Variants in FBXL8 observed in about 807,000 individuals in gnomAD.
FBXL8 encodes the protein F-box and leucine rich repeat protein 8, also known as F-box/LRR-repeat protein 8.
Under a neutral mutation model 8.2 loss-of-function variants are expected in FBXL8, and 13 were observed. That is an observed-to-expected ratio of 1.58 (90% CI 1.03 to 2.51). FBXL8 has a LOEUF of 2.51. Ranked by LOEUF, FBXL8 falls within the 30% of genes most tolerant of loss-of-function variation. The pLI is 0.00. For synonymous variants in FBXL8, 271 were observed against 260.5 expected (o/e 1.04, Z -0.39); for missense variants, 565 against 540.4 (o/e 1.05, Z -0.45).
rs1424064340 is a variant in FBXL8, at chr16:67,161,858, C to G, written c.73C>G (p.Arg25Gly). 2 of 1,610,398 alleles carry G rather than the reference C, an allele frequency of 1.2e-6. No homozygotes were observed. The highest frequency in any genetic ancestry group is 1.7e-5 in the Admixed American group (1 of 59,688). ...LIFRHLSLRD[R>G]AAAARVCRAW... The stretch of plus-strand genomic sequence containing the variant: ...CTTCCGCCACCTGTCCCTGAGAGAC[C>G]GTGCTGCCGCCGCCAGGGTCTGCAG... The change falls in exon 2 of 3, where the codon CGT becomes GGT. Residue 25 changes from arginine to glycine, a missense_variant. Transcript: ENST00000258200.
chr16:67,164,161 C>T lies in FBXL8; in HGVS notation c.*341C>T. The T allele has an allele frequency of 1.7e-6, 1 of 591,188 alleles. No homozygotes were observed. Among genetic ancestry groups the T allele is most frequent in the South Asian group, 1.6e-5 (1 of 64,058 alleles). 36.6% of individuals were successfully genotyped at this position (591,188 alleles called of 1,614,324 possible). A position where few individuals can be genotyped will look rare whatever the true frequency, so the allele number is the denominator to read the frequency against. On this transcript the variant is annotated 3_prime_UTR_variant, in exon 3 of 3. Transcript: ENST00000258200. ...GCCTCAAGGGTGAGTGTGAAATAAA[C>T]AAATCCTGCAGTGTTTCTGCGTCCT...
Position 67,163,836 on chromosome 16 carries a change from C to A in FBXL8, c.*16C>A. The A allele has an allele frequency of 1.3e-6, 2 of 1,532,040 alleles. No homozygotes were observed. Among genetic ancestry groups the A allele is most frequent in the Non-Finnish European group, 1.7e-6 (2 of 1,147,384 alleles). The allele number at this position is 1,532,040 out of a possible 1,614,324, so 94.9% of individuals were successfully genotyped here. On this transcript the variant is annotated 3_prime_UTR_variant, in exon 3 of 3. Transcript: ENST00000258200. Reference sequence around the variant, plus strand: ...CGTGGCGTGATTGGGCGACTTCTCTCCCCCGTCCCCGTGGACGTAAGCGCT... The same window carrying A: ...CGTGGCGTGATTGGGCGACTTCTCTACCCCGTCCCCGTGGACGTAAGCGCT...
In FBXL8 at chr16:67,162,952, G is replaced by T. The variant is rs779380843; in HGVS notation, c.257G>T (p.Arg86Leu). Residue 86 changes from arginine to leucine, a missense_variant, in exon 3 of 3, where the codon CGC becomes CTC. Physicochemically the swap from Arg to Leu is moderately radical, Grantham distance 102. Coordinates refer to ENST00000258200, the MANE Select transcript of FBXL8 (RefSeq NM_018378.3). The stretch of plus-strand genomic sequence containing the variant: ...TTTGAGCCATCGAGGAAGCCGAGCC[G>T]CCGGGCGGCCATCGAGCTGCTGATG... ...LEFEPSRKPS[R>L]RAAIELLMVL... 1 of 1,559,546 alleles carries T rather than the reference G, an allele frequency of 6.4e-7. No individual in the cohort carries two copies. The highest frequency in any genetic ancestry group is 8.7e-7 in the Non-Finnish European group (1 of 1,151,664).
At chr16:67,162,634 A>G (rs1567665658) in intron 2 of FBXL8, 1 of 734,048 alleles carries the variant, frequency 1.4e-6, no homozygotes, top group Non-Finnish European at 2.4e-6. Context: ...CTCCATGTCC[A>G]GGTTTCATCC....
Position 67,163,621 on chromosome 16 carries a change from G to A in FBXL8, c.926G>A (p.Arg309His), listed in dbSNP as rs1227144070. Residue 309 changes from arginine (R) to histidine (H), a missense_variant, in exon 3 of 3, where the codon CGC becomes CAC. By Grantham distance (29) the Arg-to-His change is conservative (BLOSUM62 0). Transcript: ENST00000258200. ...YAATLCALEVRAAASAELNAA... is the reference protein window; with the variant it reads ...YAATLCALEVHAAASAELNAA... ...GCAACCCTGTGCGCGCTCGAGGTGC[G>A]CGCAGCCGCTTCGGCCGAGCTGAAC... 4 of 1,565,734 alleles carry A rather than the reference G, an allele frequency of 2.6e-6. No homozygotes were observed. The highest frequency in any genetic ancestry group is 3.4e-6 in the Non-Finnish European group (4 of 1,165,934).
intron 1 of FBXL8, chr16:67,160,397 CAA>C (rs2030859387): frequency 6.6e-6 from 1 of 152,248 alleles, no homozygotes; most frequent in South Asian, 2.1e-4. Flanking sequence ...CTTGTGTACA[CAA>C]ACCTTTAAGA....
chr16:67,161,614 A>T (rs146687779), intron 1 of FBXL8, 121 bp from the exon 2 acceptor site: 6 of 690,224 alleles, frequency 8.7e-6, no homozygotes, highest in Middle Eastern at 4.1e-4. Flanking sequence ...GGGTTATCTG[A>T]TGCCCCACGC....
intron 2 of FBXL8, 111 bp downstream of exon 2, chr16:67,162,048 G>A: frequency 7.3e-7 from 1 of 1,365,936 alleles, no homozygotes; most frequent in Non-Finnish European, 9.6e-7. Flanking sequence ...AATAATTGCT[G>A]GCCGGGCGTG....
At position 67,163,594 on chromosome 16, in the gene FBXL8, C is replaced by G; in HGVS notation, c.899C>G (p.Ala300Gly). ...GPVRFAAHHYAATLCALEVRA... is the reference protein window; with the variant it reads ...GPVRFAAHHYGATLCALEVRA... Reference sequence around the variant, plus strand: ...GTGCGCTTCGCAGCACACCACTACGCCGCAACCCTGTGCGCGCTCGAGGTG... The same window carrying G: ...GTGCGCTTCGCAGCACACCACTACGGCGCAACCCTGTGCGCGCTCGAGGTG... The change falls in exon 3 of 3, where the codon GCC becomes GGC. Residue 300 changes from alanine to glycine, a missense_variant. By Grantham distance (60) the Ala-to-Gly change is moderately conservative. Coordinates refer to ENST00000258200, the MANE Select transcript of FBXL8 (RefSeq NM_018378.3). 1 of 1,577,434 alleles carries G rather than the reference C, an allele frequency of 6.3e-7. No homozygotes were observed. Among genetic ancestry groups the G allele is most frequent in the Non-Finnish European group, 8.5e-7 (1 of 1,170,558 alleles).
At chr16:67,160,185 G>C (rs1313990124) in intron 1 of FBXL8, 129 bp downstream of exon 1, 2 of 152,300 alleles carry the variant, frequency 1.3e-5, no homozygotes, top group South Asian at 2.1e-4. Flanking sequence ...GCGCCCCCTG[G>C]AGACCAGAAT....
In FBXL8 at chr16:67,161,792, G is replaced by C. The variant is rs2030915080; in HGVS notation, c.7G>C (p.Glu3Gln). ...CCCCAGCCGGATCTGGGCCATGGCC[G>C]AGCCTGGAGAGGGACTGCCAGAGGA... MA[E>Q]PGEGLPEEVL... The change falls in exon 2 of 3, where the codon GAG (glutamate) becomes CAG (glutamine). Residue 3 changes from glutamate (E) to glutamine (Q), a missense_variant. By Grantham distance (29) the Glu-to-Gln change is conservative. Coordinates refer to ENST00000258200, the MANE Select transcript of FBXL8 (RefSeq NM_018378.3). 5 of 1,604,080 alleles carry C rather than the reference G, an allele frequency of 3.1e-6. No individual in the cohort carries two copies. Among genetic ancestry groups the C allele is most frequent in the Non-Finnish European group, 4.3e-6 (5 of 1,175,064 alleles).
intron 1 of FBXL8, 131 bp downstream of exon 1, chr16:67,160,187 G>A (rs886302181): frequency 3.3e-5 from 5 of 152,160 alleles, no homozygotes; most frequent in Non-Finnish European, 7.4e-5. Flanking sequence ...GCCCCCTGGA[G>A]ACCAGAATTT....
intron 2 of FBXL8, chr16:67,162,329 A>AAAT: frequency 2.1e-6 from 1 of 473,654 alleles, no homozygotes; most frequent in East Asian, 3.6e-5. Flanking sequence ...GTTTATCTCA[A>AAAT]AATAATAATA....
At position 67,163,611 on chromosome 16, in the gene FBXL8, C is replaced by T. The variant is rs1190352230; in HGVS notation, c.916C>T (p.Leu306Phe). The change falls in exon 3 of 3, where the codon CTC becomes TTC. Residue 306 changes from leucine to phenylalanine, a missense_variant. Leu to Phe is a conservative substitution (Grantham distance 22, BLOSUM62 0). Transcript: ENST00000258200. ...AHHYAATLCA[L>F]EVRAAASAEL... ...CCACTACGCCGCAACCCTGTGCGCGCTCGAGGTGCGCGCAGCCGCTTCGGC... is the reference window on the plus strand; with the variant it reads ...CCACTACGCCGCAACCCTGTGCGCGTTCGAGGTGCGCGCAGCCGCTTCGGC... The T allele has an allele frequency of 6.4e-7, 1 of 1,569,728 alleles. No homozygotes were observed. Among genetic ancestry groups the T allele is most frequent in the Non-Finnish European group, 8.6e-7 (1 of 1,167,712 alleles).
rs367859870 is a variant in FBXL8 at position 67,163,731 on chromosome 16, G to T, written c.1036G>T (p.Ala346Ser). 20 of 1,595,492 alleles carry T rather than the reference G, an allele frequency of 1.3e-5. No individual in the cohort carries two copies. The African/African-American group carries it at 2.7e-4, about 21-fold the overall frequency. The change falls in exon 3 of 3, where the codon GCC (alanine) becomes TCC (serine). Residue 346 changes from alanine to serine, a missense_variant. Transcript: ENST00000258200. The part of the protein sequence containing the change: ...FCVVSHSVLD[A>S]FRAHCPRLRT... Reference sequence around the variant, plus strand: ...CGTGGTGAGCCACTCGGTGCTGGACGCCTTCCGCGCGCACTGCCCGCGCCT... The same window carrying T: ...CGTGGTGAGCCACTCGGTGCTGGACTCCTTCCGCGCGCACTGCCCGCGCCT...
At chr16:67,162,778 GGTGGGT>G (rs2030960940) in intron 2 of FBXL8, 64 bp from the exon 3 acceptor site, 1 of 1,546,014 alleles carries the variant, frequency 6.5e-7, no homozygotes, top group African/African-American at 1.4e-5. Context: ...CCAGCTAAGG[GGTGGGT>G]AGAGGCTTCT....
In FBXL8 at chr16:67,163,470, G is replaced by C. The variant is rs201429195; in HGVS notation, c.775G>C (p.Glu259Gln). The change falls in exon 3 of 3, where the codon GAG becomes CAG. Residue 259 changes from glutamate (E) to glutamine (Q), a missense_variant. Physicochemically the swap from Glu to Gln is conservative, Grantham distance 29. Transcript: ENST00000258200. ...TGGGCTGGCAGTGGAGCTGGAGCTG[G>C]AGCCCGCGCTGCCCGCTGAGAGCGT... ...HPGLAVELEL[E>Q]PALPAESVTR... is the part of the protein sequence containing the mutation. The C allele has an allele frequency of 1.8e-3, 2,831 of 1,536,280 alleles. 5 individuals are homozygous for C. Among genetic ancestry groups the C allele is most frequent in the Non-Finnish European group, 2.3e-3 (2,619 of 1,147,280 alleles).
chr16:67,163,544 C>T lies in FBXL8; in HGVS notation c.849C>T (p.Asn283=). The T allele has an allele frequency of 6.4e-7, 1 of 1,574,530 alleles. No homozygotes were observed. The highest frequency in any genetic ancestry group is 8.6e-7 in the Non-Finnish European group (1 of 1,168,738). Residue 283 remains asparagine, a synonymous_variant, in exon 3 of 3, where the codon AAC becomes AAT. Coordinates refer to ENST00000258200, the MANE Select transcript of FBXL8 (RefSeq NM_018378.3). ...PAVPVAALRL[N]LSGDTVGPVR... ...TCCCCGTGGCTGCGCTGCGCCTCAA[C>T]CTCTCAGGCGACACCGTAGGCCCAG...
Position 67,163,437 on chromosome 16 carries a change from C to A in FBXL8, c.742C>A (p.Arg248Ser). 1 of 1,535,992 alleles carries A rather than the reference C, an allele frequency of 6.5e-7. No homozygotes were observed. Among genetic ancestry groups the A allele is most frequent in the Non-Finnish European group, 8.7e-7 (1 of 1,146,820 alleles). Residue 248 changes from arginine (R) to serine (S), a missense_variant, in exon 3 of 3, where the codon CGC (arginine) becomes AGC (serine). Transcript: ENST00000258200. Reference sequence around the variant, plus strand: ...CGAAGCCTGGGTCGCGTTGCGCCGCCGCCACCCTGGGCTGGCAGTGGAGCT... The same window carrying A: ...CGAAGCCTGGGTCGCGTTGCGCCGCAGCCACCCTGGGCTGGCAGTGGAGCT... The part of the protein sequence containing the change: ...PNEAWVALRR[R>S]HPGLAVELEL...
Sources: allele counts gnomAD v4.1 joint callset, GRCh38; gene constraint gnomAD v4.1.1; transcripts MANE v1.5; gene names NCBI Gene and HGNC (gene_info 2026-07-23, HGNC 2026-07-21).